TET2: variants seen among roughly 807,000 people sequenced by gnomAD.
The protein encoded by TET2 is tet methylcytosine dioxygenase 2.
A neutral mutation model predicts 142.9 loss-of-function variants in TET2; 299 were observed. The ratio of observed to expected loss-of-function variants is 2.09; its 90% confidence interval spans 1.90 to 2.30. The LOEUF is 2.30. Among genes scored for constraint, TET2 ranks in the 30% most tolerant of loss-of-function variants. The pLI is 0.00. For synonymous variants in TET2, 819 were observed against 849.0 expected, an observed-to-expected ratio of 0.96 and a Z score of 0.61; for missense variants, 2,418 against 2,378.0, an observed-to-expected ratio of 1.02 and a Z score of -0.35.
In TET2 at chr4:105,264,622, C is replaced by G. The variant is rs1156847410; in HGVS notation, c.4044+2774C>G. On this transcript the variant is annotated intron_variant, in intron 8 of 10. Coordinates refer to ENST00000380013, the MANE Select transcript of TET2 (RefSeq NM_001127208.3). ...ATATGAAAATGTGTTGATGTAATGT[C>G]TAGATAAATTAAGTCAATTAATAGT... 2.6e-5 allele frequency among the ~76,000 whole-genome samples: 4 copies of G among 152,070 alleles called. No homozygotes were observed. The East Asian group carries it at 7.7e-4, about 29-fold the overall frequency.
chr4:105,249,001 C>CTT lies in TET2; in HGVS notation c.3803+5236_3803+5237dup, dbSNP rs60525299. Among the ~76,000 whole-genome samples, 306 of 131,780 alleles carry CTT rather than the reference C, an allele frequency of 2.3e-3. 2 individuals carry two copies. The highest frequency in any genetic ancestry group is 7.3e-3 in the African/African-American group (256 of 35,268). The allele number at this position is 131,780 out of a possible 152,430, so 86.5% of individuals were successfully genotyped here. A position where few individuals can be genotyped will look rare whatever the true frequency, so the allele number is the denominator to read the frequency against. ...AAAAAAAAGTACCTTTTTTCTTTTT[C>CTT]TTTTTTTTTTTTTTGTCCACGTATA... On this transcript the variant is annotated intron_variant, in intron 6 of 10. Transcript: ENST00000380013.
rs548420324 is a variant in TET2, at chr4:105,243,713, G to A, written c.3738G>A (p.Ser1246=). Reference sequence around the variant, plus strand: ...TGTCTCTGGCTGACAAACTCTACTCGGAGCTTACCGAGACGCTGAGGAAAT... The same window carrying A: ...TGTCTCTGGCTGACAAACTCTACTCAGAGCTTACCGAGACGCTGAGGAAAT... ...IPLSLADKLY[S]ELTETLRKYG... Residue 1246 remains serine (S), a synonymous_variant, in exon 6 of 11, where the codon TCG becomes TCA. Coordinates refer to ENST00000380013, the MANE Select transcript of TET2 (RefSeq NM_001127208.3). The A allele has an allele frequency of 2.6e-5, 41 of 1,551,446 alleles. No individual in the cohort carries two copies. Among genetic ancestry groups the A allele is most frequent in the East Asian group, 9.8e-5 (4 of 40,918 alleles).
chr4:105,257,950 GGTCTCT>G (rs1730223194), intron 6 of TET2, among the ~76,000 whole-genome samples: 1 of 152,102 alleles, frequency 6.6e-6, no homozygotes, highest in African/African-American at 2.4e-5. Flanking sequence ...AATAATGTAA[GGTCTCT>G]GTGAATGGGA....
chr4:105,153,437 T>C (rs1319028083), intron 1 of TET2, among the ~76,000 whole-genome samples: 1 of 152,252 alleles, frequency 6.6e-6, no homozygotes, highest in African/African-American at 2.4e-5. Context: ...ATTGTGCTGT[T>C]ATGCCATATT....
chr4:105,199,100 G>T (rs1472221184), intron 2 of TET2, among the ~76,000 whole-genome samples: 1 of 152,148 alleles, frequency 6.6e-6, no homozygotes, highest in Non-Finnish European at 1.5e-5. Context: ...AAGTTTGAGA[G>T]CAAGTTGAGC....
intron 9 of TET2, 114 bp from the exon 10 acceptor site, chr4:105,272,450 A>G: frequency 1.5e-6 from 1 of 688,760 alleles, no homozygotes; most frequent in Non-Finnish European, 2.4e-6. Context: ...ACTGATCTGG[A>G]TCAACTAGGC....
intron 2 of TET2, among the ~76,000 whole-genome samples, chr4:105,207,125 T>C (rs1726871763): frequency 6.6e-6 from 1 of 152,148 alleles, no homozygotes; most frequent in Non-Finnish European, 1.5e-5. Context: ...TTTACATAAA[T>C]TTTACTAGAA....
Position 105,236,467 on chromosome 4 carries a change from C to A in TET2, c.2525C>A (p.Ser842Ter). Residue 842 changes from serine (S) to a stop codon, truncating the protein, a stop_gained, in exon 3 of 11, where the codon TCA becomes TAA. Transcript: ENST00000380013. LOFTEE classifies it high-confidence loss of function. ...VSCSNNTHLV[S>*]ENKEQTTHPE... Reference sequence around the variant, plus strand: ...TGTTCAAACAATACACACCTAGTTTCAGAGAATAAAGAACAGACTACACAT... The same window carrying A: ...TGTTCAAACAATACACACCTAGTTTAAGAGAATAAAGAACAGACTACACAT... The A allele has an allele frequency of 6.2e-7, 1 of 1,614,034 alleles. No individual in the cohort carries two copies. Among genetic ancestry groups the A allele is most frequent in the Non-Finnish European group, 8.5e-7 (1 of 1,180,002 alleles).
chr4:105,261,651 A>G, intron 7 of TET2, 108 bp from the exon 8 acceptor site: 1 of 593,026 alleles, frequency 1.7e-6, no homozygotes, highest in Admixed American at 3.5e-5. Context: ...GGCACCATAT[A>G]TTGTGTTTGG....
At position 105,236,446 on chromosome 4, in the gene TET2, C is replaced by G. The variant is rs1728918249; in HGVS notation, c.2504C>G (p.Ser835Ter). 1 of 1,614,016 alleles carries G rather than the reference C, an allele frequency of 6.2e-7. No homozygotes were observed. Among genetic ancestry groups the G allele is most frequent in the Non-Finnish European group, 8.5e-7 (1 of 1,179,984 alleles). Residue 835 changes from serine (S) to a stop codon, truncating the protein, a stop_gained, in exon 3 of 11, where the codon TCA (serine) becomes TGA (stop). Transcript: ENST00000380013. LOFTEE classifies it high-confidence loss of function. Reference sequence around the variant, plus strand: ...GCATGCAAAATACAGGTTTCTTGTTCAAACAATACACACCTAGTTTCAGAG... The same window carrying G: ...GCATGCAAAATACAGGTTTCTTGTTGAAACAATACACACCTAGTTTCAGAG... ...SSACKIQVSC[S>*]NNTHLVSENK...
intron 2 of TET2, among the ~76,000 whole-genome samples, chr4:105,204,234 T>TACACACACACACAC (rs763239434): frequency 5.0e-4 from 63 of 125,946 alleles, no homozygotes; most frequent in Non-Finnish European, 8.9e-4. Flanking sequence ...AAAAAATATA[T>TACACACACACACAC]ACACACACAC....
intron 2 of TET2, among the ~76,000 whole-genome samples, chr4:105,204,724 G>A (rs1726714356): frequency 6.6e-6 from 1 of 152,086 alleles, no homozygotes; most frequent in Non-Finnish European, 1.5e-5. Flanking sequence ...GGAACACCAT[G>A]CACTCTAGGT....
intron 1 of TET2, among the ~76,000 whole-genome samples, chr4:105,167,799 T>G (rs1367514300): frequency 6.6e-6 from 1 of 152,190 alleles, no homozygotes; most frequent in Non-Finnish European, 1.5e-5. Flanking sequence ...TGCTGTTCAA[T>G]AACAGGTAAT....
At chr4:105,239,776 C>G (rs1180563474) in intron 3 of TET2, 1 of 230,158 alleles carries the variant, frequency 4.3e-6, no homozygotes, top group Non-Finnish European at 8.6e-6. Flanking sequence ...CATGCAAGGC[C>G]TAGCTTTCAG....
At chr4:105,179,661 A>G (rs1317939260) in intron 1 of TET2, among the ~76,000 whole-genome samples, 1 of 152,192 alleles carries the variant, frequency 6.6e-6, no homozygotes, top group Non-Finnish European at 1.5e-5. Flanking sequence ...CACTTAGATG[A>G]TTTGTGTCAC....
At chr4:105,203,956 T>C (rs1352380492) in intron 2 of TET2, among the ~76,000 whole-genome samples, 1 of 152,020 alleles carries the variant, frequency 6.6e-6, no homozygotes, top group East Asian at 1.9e-4. Context: ...ATCGCAGCAC[T>C]TTGGGAGGCC....
intron 1 of TET2, among the ~76,000 whole-genome samples, chr4:105,165,405 T>G (rs1396425968): frequency 1.3e-5 from 2 of 152,100 alleles, no homozygotes; most frequent in Admixed American, 1.3e-4. Flanking sequence ...AATAATTGTC[T>G]TGGTGTGCTA....
intron 2 of TET2, among the ~76,000 whole-genome samples, chr4:105,204,234 T>TACACAC (rs763239434): frequency 0.098 from 12,269 of 125,622 alleles, 800 homozygotes; most frequent in Non-Finnish European, 0.14. Flanking sequence ...AAAAAATATA[T>TACACAC]ACACACACAC....
At chr4:105,166,914 C>T (rs1009604160) in intron 1 of TET2, among the ~76,000 whole-genome samples, 2 of 152,018 alleles carry the variant, frequency 1.3e-5, no homozygotes, top group Admixed American at 6.6e-5. Flanking sequence ...CCAGATATGG[C>T]TCTGTTAAAA....
Sources: allele counts gnomAD v4.1 joint callset (sites outside exome capture counted in the v4.1 genomes callset), GRCh38; gene constraint gnomAD v4.1.1; transcripts MANE v1.5; gene names NCBI Gene and HGNC (gene_info 2026-07-23, HGNC 2026-07-21).